RTTN: variants seen among roughly 807,000 people sequenced by gnomAD.
RTTN encodes the protein rotatin.
In RTTN, 182 loss-of-function variants were observed where a neutral mutation model predicts 269.2. The observed-to-expected ratio is 0.68, with a 90% CI of 0.60 to 0.76. The LOEUF (loss-of-function observed/expected upper bound fraction) is 0.76. Ranked by LOEUF, RTTN falls within the 30% of genes least tolerant of loss-of-function variation. The pLI is 0.00. For synonymous variants in RTTN, 1,006 were observed against 963.5 expected, an observed-to-expected ratio of 1.04 and a Z score of -0.82; for missense variants, 2,545 against 2,608.6, an observed-to-expected ratio of 0.98 and a Z score of 0.53.
At chr18:70,204,356 G>C in intron 2 of RTTN, 93 bp from the exon 3 acceptor site, 1 of 1,259,270 alleles carries the variant, frequency 7.9e-7, no homozygotes, top group East Asian at 2.4e-5. Flanking sequence ...TGGTATATCA[G>C]ATGTTCCTTT....
chr18:70,055,735 A>G (rs1177835917), intron 37 of RTTN, among the ~76,000 whole-genome samples: 1 of 152,200 alleles, frequency 6.6e-6, no homozygotes, highest in Non-Finnish European at 1.5e-5. Flanking sequence ...CTGAATTGCT[A>G]AAGATTCTTT....
chr18:70,139,374 ATCAGAGGTT>A (rs1221005367), intron 21 of RTTN, among the ~76,000 whole-genome samples: 1 of 152,216 alleles, frequency 6.6e-6, no homozygotes, highest in African/African-American at 2.4e-5. Flanking sequence ...ACAAAGAACA[ATCAGAGGTT>A]TCAGCTTTTC....
At chr18:70,084,304 C>T (rs1057219474) in intron 32 of RTTN, among the ~76,000 whole-genome samples, 3 of 151,936 alleles carry the variant, frequency 2.0e-5, no homozygotes, top group Non-Finnish European at 2.9e-5. Context: ...CTGTTTCATG[C>T]TATATCCTCC....
rs577620100 is a variant in RTTN at position 70,072,711 on chromosome 18, T to C, written c.4653+1195A>G. ...GTACAAAGATTTCAAGGCTAGTCTA[T>C]AGCCCTTTTGACAAATAGGCTAACA... is the stretch of plus-strand genomic sequence containing the variant. On this transcript the variant is annotated intron_variant, in intron 34 of 48. Coordinates refer to ENST00000640769, the MANE Select transcript of RTTN (RefSeq NM_173630.4). Among the ~76,000 whole-genome samples the C allele has an allele frequency of 5.3e-5, 8 of 152,300 alleles. No individual in the cohort carries two copies. In the South Asian group the frequency reaches 1.7e-3, roughly 32 times the overall value.
intron 25 of RTTN, 69 bp downstream of exon 25, chr18:70,127,433 G>A (rs1249580677): frequency 7.1e-6 from 11 of 1,547,990 alleles, no homozygotes; most frequent in Admixed American, 1.8e-5. Context: ...TATCTTCAAA[G>A]GTTAGGAGAT....
intron 32 of RTTN, among the ~76,000 whole-genome samples, chr18:70,080,632 G>A (rs1260119308): frequency 1.3e-5 from 2 of 152,116 alleles, no homozygotes; most frequent in Admixed American, 1.3e-4. Flanking sequence ...AGAAAGAAAT[G>A]ATGGAGTTAG....
chr18:70,197,818 C>A, intron 5 of RTTN, 80 bp from the exon 6 acceptor site: 13 of 843,004 alleles, frequency 1.5e-5, no homozygotes, highest in African/African-American at 3.4e-5. Flanking sequence ...ACAATGACTC[C>A]ATTAACAATC....
intron 10 of RTTN, among the ~76,000 whole-genome samples, chr18:70,180,708 A>C (rs1323780337): frequency 6.6e-6 from 1 of 152,194 alleles, no homozygotes; most frequent in Non-Finnish European, 1.5e-5. Context: ...AGTGACCCTG[A>C]AAAATAAACT....
rs139510756 is a variant in RTTN, at chr18:70,119,669, G to A, written c.3528+1887C>T. Among the ~76,000 whole-genome samples, 1,215 of 152,130 alleles carry A rather than the reference G, an allele frequency of 8.0e-3. 13 individuals carry two copies. The highest frequency in any genetic ancestry group is 0.012 in the Admixed American group (181 of 15,292). On this transcript the variant is annotated intron_variant, in intron 26 of 48. Coordinates refer to ENST00000640769, the MANE Select transcript of RTTN (RefSeq NM_173630.4). ...AAACCACAAAAACCTCAGCACACAC[G>A]CACCTCTACAATTTGACTCAGCAAT...
rs748095997 is a variant in RTTN, at chr18:70,121,560, C to T, written c.3524G>A (p.Arg1175Lys). ...AAATTCCTTAACACCACTTACATGT[C>T]TAAGAAGTAATTCGAGAATCCAGTT... ...LLNWILELLL[R>K]HSANPLLDLL... Residue 1175 changes from arginine to lysine, a missense_variant, in exon 26 of 49, where the codon AGA becomes AAA. Coordinates refer to ENST00000640769, the MANE Select transcript of RTTN (RefSeq NM_173630.4). 6.4e-7 allele frequency: 1 copy of T among 1,563,562 alleles called. No individual in the cohort carries two copies. The highest frequency in any genetic ancestry group is 2.3e-5 in the East Asian group (1 of 43,838).
intron 37 of RTTN, 122 bp downstream of exon 37, chr18:70,057,620 C>G: frequency 1.5e-6 from 1 of 687,776 alleles, no homozygotes; most frequent in Non-Finnish European, 2.5e-6. Flanking sequence ...CGAATAATCT[C>G]ATCATACCAT....
chr18:70,056,886 A>G (rs568469494), intron 37 of RTTN, among the ~76,000 whole-genome samples: 113 of 152,280 alleles, frequency 7.4e-4, no homozygotes, highest in African/African-American at 2.7e-3. Flanking sequence ...CTATTCTCCC[A>G]ACTTGAGGGA....
intron 11 of RTTN, among the ~76,000 whole-genome samples, chr18:70,172,868 T>G (rs553363857): frequency 6.6e-6 from 1 of 152,158 alleles, no homozygotes; most frequent in African/African-American, 2.4e-5. Context: ...CATAGATAGA[T>G]TGACCATTTG....
At chr18:70,125,946 A>G (rs1474227509) in intron 25 of RTTN, among the ~76,000 whole-genome samples, 1 of 152,108 alleles carries the variant, frequency 6.6e-6, no homozygotes, top group Non-Finnish European at 1.5e-5. Context: ...ATAATACAGC[A>G]GAAATACATG....
chr18:70,064,538 T>C (rs1352062318), intron 35 of RTTN, among the ~76,000 whole-genome samples: 1 of 152,122 alleles, frequency 6.6e-6, no homozygotes. Context: ...TGCTAGAACA[T>C]GGATGAACCT....
At chr18:70,112,859 T>C (rs2059508227) in intron 27 of RTTN, among the ~76,000 whole-genome samples, 1 of 152,218 alleles carries the variant, frequency 6.6e-6, no homozygotes, top group Non-Finnish European at 1.5e-5. Flanking sequence ...ATCAACAGAA[T>C]ATACATTCTT....
At position 70,162,307 on chromosome 18, in the gene RTTN, G is replaced by T. The variant is rs548826682; in HGVS notation, c.1929+3755C>A. ...CTTAGAAGTGGGAACTAAACACTGC[G>T]TATACACATGGATACAAAGATGGGA... On this transcript the variant is annotated intron_variant, in intron 14 of 48. Transcript: ENST00000640769. Among the ~76,000 whole-genome samples, 3 of 152,134 alleles carry T rather than the reference G, an allele frequency of 2.0e-5. No individual in the cohort carries two copies. The East Asian group carries it at 5.8e-4, about 29-fold the overall frequency.
intron 31 of RTTN, 130 bp from the exon 32 acceptor site, chr18:70,086,814 G>C (rs1269861945): frequency 4.9e-6 from 4 of 809,876 alleles, no homozygotes; most frequent in Non-Finnish European, 7.8e-6. Context: ...CTGGTCAACT[G>C]CACATGCTGA....
chr18:70,048,895 C>CA (rs887157553), intron 39 of RTTN, among the ~76,000 whole-genome samples: 17 of 150,786 alleles, frequency 1.1e-4, no homozygotes, highest in Admixed American at 6.0e-4. Flanking sequence ...AAAACCATGG[C>CA]AAAAAAAATG....
Sources: allele counts gnomAD v4.1 joint callset (sites outside exome capture counted in the v4.1 genomes callset), GRCh38; gene constraint gnomAD v4.1.1; transcripts MANE v1.5; gene names NCBI Gene and HGNC (gene_info 2026-07-23, HGNC 2026-07-21).